CFAP77: variants seen among roughly 807,000 people sequenced by gnomAD.
The protein encoded by CFAP77 is cilia and flagella associated protein 77.
A neutral mutation model predicts 31.1 loss-of-function variants in CFAP77; 25 were observed. The ratio of observed to expected loss-of-function variants is 0.80; its 90% CI spans 0.59 to 1.12. The LOEUF is 1.12. CFAP77 is among the 50% of genes most tolerant of loss of function. The pLI is 0.00. For synonymous variants in CFAP77, 151 were observed against 159.9 expected (o/e 0.94, Z 0.42); for missense variants, 377 against 397.3 (o/e 0.95, Z 0.44).
At chr9:132,526,887 A>G (rs1852374441) in intron 3 of CFAP77, among the ~76,000 whole-genome samples, 1 of 15,932 alleles carries the variant, frequency 6.3e-5, no homozygotes, top group African/African-American at 2.6e-4. Flanking sequence ...AAAAGAGTCC[A>G]GGACCAGATG....
At chr9:132,520,932 G>A (rs1383480563) in intron 3 of CFAP77, among the ~76,000 whole-genome samples, 1 of 152,208 alleles carries the variant, frequency 6.6e-6, no homozygotes. Context: ...CCACTGCCTG[G>A]GCAGACCCTT....
rs1286651885 is a variant in CFAP77 at position 132,495,891 on chromosome 9, A to G, written c.196-2804A>G. On this transcript the variant is annotated intron_variant, in intron 1 of 5. Coordinates refer to ENST00000393216, the MANE Select transcript of CFAP77 (RefSeq NM_001282957.2). This position sits in a 1 kb window ranked among gnomAD's most constrained non-coding sequence, Gnocchi z 4.2. Reference sequence around the variant, plus strand: ...GCGGCCATCTGCAAACCAAGAAGAGAGCCCTCACCAAGACACTGGGTCTGT... The same window carrying G: ...GCGGCCATCTGCAAACCAAGAAGAGGGCCCTCACCAAGACACTGGGTCTGT... Among the ~76,000 whole-genome samples, 2 of 152,214 alleles carry G rather than the reference A, an allele frequency of 1.3e-5. No homozygotes were observed. Among genetic ancestry groups the G allele is most frequent in the South Asian group, 2.1e-4 (1 of 4,836 alleles).
At chr9:132,477,911 C>T (rs546682199) in intron 1 of CFAP77, among the ~76,000 whole-genome samples, 124 of 152,278 alleles carry the variant, frequency 8.1e-4, no homozygotes, top group Middle Eastern at 3.4e-3. Flanking sequence ...CCTGCCACAG[C>T]TGCCTGCTCT....
intron 5 of CFAP77, among the ~76,000 whole-genome samples, chr9:132,547,686 G>C (rs932439773): frequency 1.3e-5 from 2 of 152,178 alleles, no homozygotes; most frequent in Non-Finnish European, 2.9e-5. Flanking sequence ...TCTGCCCTAG[G>C]TGTCCTCAGG....
intron 5 of CFAP77, among the ~76,000 whole-genome samples, chr9:132,567,815 G>A (rs539364198): frequency 1.5e-3 from 223 of 152,232 alleles, no homozygotes; most frequent in African/African-American, 5.0e-3. Context: ...TGGCCACATC[G>A]CTCTCATCTC....
intron 3 of CFAP77, among the ~76,000 whole-genome samples, chr9:132,514,962 C>T (rs1852120008): frequency 6.6e-6 from 1 of 152,180 alleles, no homozygotes; most frequent in Admixed American, 6.5e-5. Context: ...AGCTCAGCCC[C>T]CCAGCCCGCC....
intron 3 of CFAP77, among the ~76,000 whole-genome samples, chr9:132,506,372 G>A (rs983203353): frequency 4.6e-5 from 7 of 152,262 alleles, no homozygotes; most frequent in South Asian, 2.1e-4. Flanking sequence ...GCAAATGTTC[G>A]CATGCCCTCG....
chr9:132,529,368 GA>G (rs1447253924), intron 3 of CFAP77, among the ~76,000 whole-genome samples: 4 of 107,604 alleles, frequency 3.7e-5, no homozygotes, highest in African/African-American at 1.4e-4. Context: ...GGGGTCGGGG[GA>G]GGGGGGAGGG....
intron 3 of CFAP77, among the ~76,000 whole-genome samples, chr9:132,500,330 T>C (rs1457492504): frequency 1.3e-5 from 2 of 152,094 alleles, no homozygotes; most frequent in Admixed American, 6.5e-5. Context: ...CTTCCACATC[T>C]GTAGAATGGA....
Position 132,481,550 on chromosome 9 carries a change from G to A in CFAP77, c.196-17145G>A, listed in dbSNP as rs1045216922. ...TGCTGCCCCGCTCCTGCTAGAGGAGGAGAAGCATTGCTGCTGAGGCCTCTG... is the reference window on the plus strand; with the variant it reads ...TGCTGCCCCGCTCCTGCTAGAGGAGAAGAAGCATTGCTGCTGAGGCCTCTG... On this transcript the variant is annotated intron_variant, in intron 1 of 5. Transcript: ENST00000393216. This position sits in a 1 kb window ranked among gnomAD's most constrained non-coding sequence, Gnocchi z 5.0. 6.6e-6 allele frequency among the ~76,000 whole-genome samples: 1 copy of A among 152,212 alleles called. No homozygotes were observed. Among genetic ancestry groups the A allele is most frequent in the Admixed American group, 6.5e-5 (1 of 15,284 alleles).
chr9:132,572,172 C>A (rs1489080666), intron 5 of CFAP77, among the ~76,000 whole-genome samples: 2 of 152,150 alleles, frequency 1.3e-5, no homozygotes, highest in East Asian at 3.9e-4. Flanking sequence ...CAGCAAGGAG[C>A]TGGACAGAAG....
chr9:132,487,643 G>GTT (rs74783489), intron 1 of CFAP77, among the ~76,000 whole-genome samples: 20 of 126,710 alleles, frequency 1.6e-4, no homozygotes, highest in East Asian at 1.1e-3. Context: ...TCCGGCTGTG[G>GTT]TTTTTTTTTT....
intron 1 of CFAP77, among the ~76,000 whole-genome samples, chr9:132,445,965 G>T (rs1850704722): frequency 6.6e-6 from 1 of 151,998 alleles, no homozygotes; most frequent in Non-Finnish European, 1.5e-5. Flanking sequence ...AGGGGAGGGG[G>T]CTTCCAACTG....
chr9:132,469,069 T>A (rs1851206766), intron 1 of CFAP77, among the ~76,000 whole-genome samples: 1 of 147,022 alleles, frequency 6.8e-6, no homozygotes, highest in South Asian at 2.2e-4. Flanking sequence ...GCCAAGGAGC[T>A]CTCTAAGAAG....
intron 1 of CFAP77, among the ~76,000 whole-genome samples, chr9:132,412,352 T>A (rs1412380576): frequency 6.6e-6 from 1 of 152,230 alleles, no homozygotes; most frequent in Non-Finnish European, 1.5e-5. Flanking sequence ...CCTTTACCTC[T>A]GGCTTTCCTT....
chr9:132,471,783 C>T (rs546997702), intron 1 of CFAP77, among the ~76,000 whole-genome samples: 4 of 152,262 alleles, frequency 2.6e-5, no homozygotes, highest in South Asian at 4.2e-4. Context: ...TCAATGCAGC[C>T]TCGAACCCCT....
At chr9:132,534,062 A>G (rs1852503630) in intron 3 of CFAP77, among the ~76,000 whole-genome samples, 1 of 152,102 alleles carries the variant, frequency 6.6e-6, no homozygotes, top group African/African-American at 2.4e-5. Flanking sequence ...GTCAAGATTG[A>G]TAACTGGGGT....
intron 1 of CFAP77, among the ~76,000 whole-genome samples, chr9:132,443,428 T>G (rs1188806731): frequency 6.6e-6 from 1 of 152,100 alleles, no homozygotes; most frequent in African/African-American, 2.4e-5. Context: ...TAATTTTGTA[T>G]TTTTAGTAGA....
At chr9:132,451,728 C>A (rs974429431) in intron 1 of CFAP77, among the ~76,000 whole-genome samples, 3 of 152,064 alleles carry the variant, frequency 2.0e-5, no homozygotes, top group African/African-American at 7.2e-5. Flanking sequence ...TTCATTATGG[C>A]ATCTCTCCAC....
Sources: gnomAD v4.1 joint callset for allele counts (sites outside exome capture counted in the v4.1 genomes callset) on GRCh38, gnomAD v4.1.1 for gene constraint, Gnocchi (gnomAD v3.1) non-coding constraint, MANE v1.5 for transcripts, NCBI Gene and HGNC (gene_info 2026-07-23, HGNC 2026-07-21) for gene names.